Variants in TRAK2 observed in about 807,000 individuals in gnomAD.
TRAK2 encodes trafficking kinesin protein 2.
TRAK2 carries 81 observed loss-of-function variants against 104.6 expected under a neutral mutation model. The ratio of observed to expected loss-of-function variants is 0.77; its 90% CI spans 0.65 to 0.93. The LOEUF (loss-of-function observed/expected upper bound fraction) is 0.93. Among genes scored for constraint, TRAK2 ranks in the 40% least tolerant of loss-of-function variants. The pLI, the probability that TRAK2 is intolerant of heterozygous loss-of-function variation, is 0.00. For synonymous variants in TRAK2, 406 were observed against 394.4 expected (o/e 1.03, Z -0.35); for missense variants, 1,002 against 1,089.0 (o/e 0.92, Z 1.12).
rs371682593 is a variant in TRAK2 at position 201,444,044 on chromosome 2, A to G, written c.-200+7306T>C. 1.6e-4 allele frequency among the ~76,000 whole-genome samples: 25 copies of G among 151,970 alleles called. No homozygotes were observed. The East Asian group carries it at 4.5e-3, about 27-fold the overall frequency. ...GGTAAAACCCCATCTCTACAAAAAC[A>G]TACAAAAATTAGGAGGCATGGTGGC... On this transcript the variant is annotated intron_variant, in intron 1 of 15. Coordinates refer to ENST00000332624, the MANE Select transcript of TRAK2 (RefSeq NM_015049.3).
Position 201,386,367 on chromosome 2 carries a change from T to G in TRAK2, c.1814A>C (p.Tyr605Ser), listed in dbSNP as rs547715831. The change falls in exon 14 of 16, where the codon TAT (tyrosine) becomes TCT (serine). Residue 605 changes from tyrosine (Y) to serine (S), a missense_variant. By Grantham distance (144) the Tyr-to-Ser change is moderately radical. Coordinates refer to ENST00000332624, the MANE Select transcript of TRAK2 (RefSeq NM_015049.3). ...ATCCTCTTCTAAATCTGAGATGTGATAAATAGCATCCCCGGGCAACTGGGT... is the reference window on the plus strand; with the variant it reads ...ATCCTCTTCTAAATCTGAGATGTGAGAAATAGCATCCCCGGGCAACTGGGT... ...GFTQLPGDAI[Y>S]HISDLEEDEE... The G allele has an allele frequency of 2.5e-6, 4 of 1,614,166 alleles. No homozygotes were observed. The highest frequency in any genetic ancestry group is 1.3e-5 in the African/African-American group (1 of 75,046).
At chr2:201,419,073 C>G (rs1045347500) in intron 2 of TRAK2, 1 of 152,048 alleles carries the variant, frequency 6.6e-6, no homozygotes, top group African/African-American at 2.4e-5. Flanking sequence ...ATAAACAACT[C>G]AAAATAAAAT....
intron 2 of TRAK2, chr2:201,411,678 A>G: frequency 1.3e-6 from 1 of 788,194 alleles, no homozygotes; most frequent in Admixed American, 1.7e-5. Flanking sequence ...ACATTTGTAA[A>G]TGCCTAAAAT....
At chr2:201,450,892 G>C (rs779491133) in intron 1 of TRAK2, among the ~76,000 whole-genome samples, 23 of 152,002 alleles carry the variant, frequency 1.5e-4, no homozygotes, top group Non-Finnish European at 3.1e-4. Flanking sequence ...TTCAAGATAT[G>C]TGGCATCTGG....
At position 201,447,692 on chromosome 2, in the gene TRAK2, C is replaced by G. The variant is rs1366798060; in HGVS notation, c.-200+3658G>C. 6.6e-6 allele frequency among the ~76,000 whole-genome samples: 1 copy of G among 152,178 alleles called. No individual in the cohort carries two copies. Among genetic ancestry groups the G allele is most frequent in the Non-Finnish European group, 1.5e-5 (1 of 68,028 alleles). On this transcript the variant is annotated intron_variant, in intron 1 of 15. Transcript: ENST00000332624. The surrounding 1 kb of genome is among the most constrained non-coding windows in gnomAD (Gnocchi z 4.1). Reference sequence around the variant, plus strand: ...TAACGGCTTCATCTGAACTTAATCACCCCAAAGCCCTGTCTCCAAATACAG... The same window carrying G: ...TAACGGCTTCATCTGAACTTAATCAGCCCAAAGCCCTGTCTCCAAATACAG...
At chr2:201,403,816 T>C (rs1324196682) in intron 3 of TRAK2, among the ~76,000 whole-genome samples, 1 of 151,140 alleles carries the variant, frequency 6.6e-6, no homozygotes, top group African/African-American at 2.4e-5. Flanking sequence ...AAATGAACTT[T>C]AAAATGCCTA....
chr2:201,409,826 T>C (rs182251931), intron 2 of TRAK2, among the ~76,000 whole-genome samples: 3 of 152,334 alleles, frequency 2.0e-5, no homozygotes, highest in Admixed American at 6.5e-5. Flanking sequence ...CTTGTGAAGG[T>C]AGACTGTGTA....
intron 2 of TRAK2, among the ~76,000 whole-genome samples, chr2:201,414,132 A>G (rs1482258483): frequency 1.3e-5 from 2 of 152,146 alleles, no homozygotes; most frequent in Non-Finnish European, 2.9e-5. Flanking sequence ...AATACTATTT[A>G]CATCACTACT....
intron 8 of TRAK2, 42 bp from the exon 9 acceptor site, chr2:201,394,914 A>G (rs369402447): frequency 3.4e-6 from 5 of 1,475,530 alleles, no homozygotes; most frequent in Non-Finnish European, 4.7e-6. Flanking sequence ...CTTTCCAAGT[A>G]AAATATAGCT....
intron 1 of TRAK2, among the ~76,000 whole-genome samples, chr2:201,424,593 CGTTT>C (rs1302293010): frequency 1.3e-4 from 20 of 150,940 alleles, no homozygotes; most frequent in African/African-American, 3.9e-4. Context: ...TTTTTTTGTT[CGTTT>C]GTTTTTGTTT....
intron 5 of TRAK2, 32 bp from the exon 6 acceptor site, chr2:201,398,386 C>CT: frequency 6.4e-7 from 1 of 1,574,112 alleles, no homozygotes; most frequent in Non-Finnish European, 8.7e-7. Context: ...TTTTCATGTT[C>CT]TTTATTTTGC....
At chr2:201,397,950 A>T in intron 6 of TRAK2, 195 bp downstream of exon 6, 3 of 547,454 alleles carry the variant, frequency 5.5e-6, no homozygotes, top group Non-Finnish European at 9.7e-6. Flanking sequence ...TTGTACTGTC[A>T]ACCTGCTACT....
chr2:201,447,732 T>C lies in TRAK2; in HGVS notation c.-200+3618A>G, dbSNP rs1280255394. Among the ~76,000 whole-genome samples, 1 of 152,230 alleles carries C rather than the reference T, an allele frequency of 6.6e-6. No homozygotes were observed. Among genetic ancestry groups the C allele is most frequent in the Non-Finnish European group, 1.5e-5 (1 of 68,038 alleles). On this transcript the variant is annotated intron_variant, in intron 1 of 15. Transcript: ENST00000332624. The surrounding 1 kb of genome is among the most constrained non-coding windows in gnomAD (Gnocchi z 4.1). ...TCCAAATACAGTCACATTCTGAGGT[T>C]ACGGCTGTTAGGGCTTCAATATAAT...
chr2:201,397,602 G>T, intron 6 of TRAK2, 22 bp from the exon 7 acceptor site: 1 of 1,495,648 alleles, frequency 6.7e-7, no homozygotes. Flanking sequence ...AAATCAGTAT[G>T]TGACAATACC....
chr2:201,444,150 G>A (rs975751678), intron 1 of TRAK2, among the ~76,000 whole-genome samples: 4 of 151,900 alleles, frequency 2.6e-5, no homozygotes, highest in South Asian at 2.1e-4. Context: ...GCAGTGAGCC[G>A]AGATCGTACC....
intron 3 of TRAK2, among the ~76,000 whole-genome samples, chr2:201,401,528 G>GAATTCCATATTCCATTCACAGCATGGA (rs1260306662): frequency 6.6e-5 from 10 of 152,172 alleles, no homozygotes; most frequent in Admixed American, 5.2e-4. Context: ...ATTCTGCTGT[G>GAATTCCATATTCCATTCACAGCATGGA]ATTATCATAA....
intron 9 of TRAK2, 85 bp downstream of exon 9, chr2:201,394,713 C>T (rs1188753843): frequency 1.8e-6 from 2 of 1,084,986 alleles, no homozygotes; most frequent in Non-Finnish European, 2.8e-6. Context: ...CTGGTAATTC[C>T]CCTTTAATAA....
chr2:201,419,956 T>C (rs2125654433), intron 2 of TRAK2, among the ~76,000 whole-genome samples: 1 of 152,266 alleles, frequency 6.6e-6, no homozygotes, highest in East Asian at 1.9e-4. Context: ...GGCAAATGAG[T>C]TTCTGAATAA....
At chr2:201,448,335 C>G (rs987156790) in intron 1 of TRAK2, among the ~76,000 whole-genome samples, 2 of 152,232 alleles carry the variant, frequency 1.3e-5, no homozygotes, top group Admixed American at 6.5e-5. Context: ...GGTATATTTA[C>G]TATCTTCTCT....
Sources: allele counts gnomAD v4.1 joint callset (sites outside exome capture counted in the v4.1 genomes callset), GRCh38; gene constraint gnomAD v4.1.1; non-coding constraint Gnocchi (gnomAD v3.1); transcripts MANE v1.5; gene names NCBI Gene and HGNC (gene_info 2026-07-23, HGNC 2026-07-21).